PPP2R2C: variants seen among roughly 807,000 people sequenced by gnomAD.
The protein encoded by PPP2R2C is protein phosphatase 2 regulatory subunit Bgamma, also known as protein phosphatase 2, regulatory subunit B, gamma.
A neutral mutation model predicts 45.3 loss-of-function variants in PPP2R2C; 10 were observed. The ratio of observed to expected loss-of-function variants is 0.22; its 90% confidence interval spans 0.14 to 0.37. The LOEUF (loss-of-function observed/expected upper bound fraction) is 0.37. Among genes scored for constraint, PPP2R2C ranks in the 10% least tolerant of loss-of-function variants. The pLI, the probability that PPP2R2C is intolerant of heterozygous loss-of-function variation, is 1.00. For synonymous variants in PPP2R2C, 257 were observed against 245.4 expected, an observed-to-expected ratio of 1.05 and a Z score of -0.44; for missense variants, 308 against 619.7, an observed-to-expected ratio of 0.50 and a Z score of 5.34.
In PPP2R2C at chr4:6,389,961, T is replaced by C. The variant is rs1031157308; in HGVS notation, c.71-8867A>G. 9.9e-5 allele frequency among the ~76,000 whole-genome samples: 15 copies of C among 151,702 alleles called. 1 individual carries two copies. Among genetic ancestry groups the C allele is most frequent in the South Asian group, 8.3e-4 (4 of 4,794 alleles). On this transcript the variant is annotated intron_variant, in intron 1 of 8. Transcript: ENST00000382599. Reference sequence around the variant, plus strand: ...GGGTCAGAGATGGGAGGCTGAGGAGTTGGTGAAGGAGAAAGCAGGTGCTGA... The same window carrying C: ...GGGTCAGAGATGGGAGGCTGAGGAGCTGGTGAAGGAGAAAGCAGGTGCTGA...
chr4:6,554,942 A>AGG (rs1725325221), intron 1 of PPP2R2C, among the ~76,000 whole-genome samples: 1 of 104,900 alleles, frequency 9.5e-6, no homozygotes, highest in Non-Finnish European at 1.9e-5. Context: ...AAAGAAAGAA[A>AGG]GAAAGAAAGA....
intron 1 of PPP2R2C, among the ~76,000 whole-genome samples, chr4:6,544,202 A>G (rs1055748645): frequency 2.0e-5 from 3 of 152,212 alleles, no homozygotes; most frequent in African/African-American, 7.2e-5. Context: ...CAGCCAAGCC[A>G]TGAGCTCTGG....
At chr4:6,442,550 T>TG (rs1720208201) in intron 1 of PPP2R2C, among the ~76,000 whole-genome samples, 1 of 152,160 alleles carries the variant, frequency 6.6e-6, no homozygotes, top group Non-Finnish European at 1.5e-5. Context: ...CCCCAAGGGC[T>TG]GGGAGAGGCG....
chr4:6,476,447 T>C (rs1722147129), upstream of PPP2R2C, among the ~76,000 whole-genome samples: 1 of 152,000 alleles, frequency 6.6e-6, no homozygotes, highest in Non-Finnish European at 1.5e-5. Flanking sequence ...CGTGAGAGAG[T>C]TTGCTTCCCC....
At chr4:6,385,318 A>C (rs1290535989) in intron 1 of PPP2R2C, among the ~76,000 whole-genome samples, 1 of 152,122 alleles carries the variant, frequency 6.6e-6, no homozygotes. Flanking sequence ...ATGTCTACTC[A>C]TTTTTATAGG....
intron 1 of PPP2R2C, among the ~76,000 whole-genome samples, chr4:6,397,038 G>C (rs1717088053): frequency 6.6e-6 from 1 of 152,222 alleles, no homozygotes; most frequent in African/African-American, 2.4e-5. Flanking sequence ...ATGCGAGCCA[G>C]CTCTGGCTCA....
chr4:6,464,037 C>A (rs893728894), intron 1 of PPP2R2C, among the ~76,000 whole-genome samples: 1 of 152,134 alleles, frequency 6.6e-6, no homozygotes, highest in African/African-American at 2.4e-5. Flanking sequence ...AGGCTGCATT[C>A]AAAACTCAGC....
chr4:6,360,410 G>A lies in PPP2R2C; in HGVS notation c.625+12113C>T, dbSNP rs1713623136. 2.6e-5 allele frequency among the ~76,000 whole-genome samples: 4 copies of A among 152,214 alleles called. No individual in the cohort carries two copies. The South Asian group carries it at 8.3e-4, about 32-fold the overall frequency. On this transcript the variant is annotated intron_variant, in intron 5 of 8. Transcript: ENST00000382599. ...CTGGGTGCAGAGCAGGGATCCATGAGAAAGAGGGCTGCAGCCTTGGGCTCC... is the reference window on the plus strand; with the variant it reads ...CTGGGTGCAGAGCAGGGATCCATGAAAAAGAGGGCTGCAGCCTTGGGCTCC...
At chr4:6,485,311 T>C (rs552371883) in intron 2 of PPP2R2C, among the ~76,000 whole-genome samples, 10 of 151,936 alleles carry the variant, frequency 6.6e-5, no homozygotes, top group Non-Finnish European at 1.3e-4. Context: ...TTGCTAATAA[T>C]TTTTTAATTC....
intron 5 of PPP2R2C, chr4:6,349,553 G>A: frequency 2.0e-6 from 2 of 985,340 alleles, no homozygotes; most frequent in South Asian, 9.4e-5. Flanking sequence ...CACCCAAGCT[G>A]CTGCCTCTCT....
rs1426654793 is a variant in PPP2R2C, at chr4:6,333,685, T to A, written c.837A>T (p.Glu279Asp). ...EDPSNRSFFS[E>D]IISSVSDVKF... The stretch of plus-strand genomic sequence containing the variant: ...TCACGTCGGACACGGAGGAGATGAT[T>A]TCCGAGAAGAATGAGCGGTTACTGG... Residue 279 changes from glutamate to aspartate, a missense_variant, in exon 7 of 9, where the codon GAA becomes GAT. Transcript: ENST00000382599. The A allele has an allele frequency of 6.2e-7, 1 of 1,614,128 alleles. No individual in the cohort carries two copies. Among genetic ancestry groups the A allele is most frequent in the Non-Finnish European group, 8.5e-7 (1 of 1,180,012 alleles).
chr4:6,454,395 A>G (rs1313159532), intron 1 of PPP2R2C, among the ~76,000 whole-genome samples: 2 of 152,188 alleles, frequency 1.3e-5, no homozygotes, highest in Non-Finnish European at 2.9e-5. Flanking sequence ...GGAAGGGCCA[A>G]GCAGCTTCCA....
intron 1 of PPP2R2C, among the ~76,000 whole-genome samples, chr4:6,401,311 T>C (rs1422046786): frequency 6.6e-6 from 1 of 152,072 alleles, no homozygotes; most frequent in African/African-American, 2.4e-5. Context: ...CTCTGGCCAA[T>C]ACCTAATGAA....
intron 2 of PPP2R2C, among the ~76,000 whole-genome samples, chr4:6,534,617 A>G (rs1724534569): frequency 6.6e-6 from 1 of 151,936 alleles, no homozygotes; most frequent in African/African-American, 2.4e-5. Context: ...ACATCAACAC[A>G]TACATGAACA....
chr4:6,469,077 CAAAAAAAAAAAAA>C (rs142008829), intron 1 of PPP2R2C, among the ~76,000 whole-genome samples: 13 of 56,192 alleles, frequency 2.3e-4, no homozygotes, highest in Admixed American at 8.2e-4. Flanking sequence ...GCCCTGCCAC[CAAAAAAAAAAAAA>C]AAAAAAAAAA....
At chr4:6,499,630 T>G (rs1370234983) in intron 2 of PPP2R2C, among the ~76,000 whole-genome samples, 1 of 152,154 alleles carries the variant, frequency 6.6e-6, no homozygotes, top group Admixed American at 6.5e-5. Flanking sequence ...TAGGGTTTTA[T>G]AAAGCAGGAG....
intron 1 of PPP2R2C, among the ~76,000 whole-genome samples, chr4:6,431,819 G>A (rs192706165): frequency 6.6e-6 from 1 of 152,264 alleles, no homozygotes; most frequent in East Asian, 1.9e-4. Context: ...TTAGTCATTT[G>A]GGGCTGCTCC....
At chr4:6,449,317 C>T (rs1469970133) in intron 1 of PPP2R2C, among the ~76,000 whole-genome samples, 1 of 152,226 alleles carries the variant, frequency 6.6e-6, no homozygotes, top group Non-Finnish European at 1.5e-5. Context: ...GATGAGACCC[C>T]TGCGGCAGCT....
chr4:6,425,684 G>T (rs1560539129), intron 1 of PPP2R2C, among the ~76,000 whole-genome samples: 1 of 152,162 alleles, frequency 6.6e-6, no homozygotes, highest in Non-Finnish European at 1.5e-5. Context: ...AAAAATGCAG[G>T]TCCCTGCCAT....
Sources: gnomAD v4.1 joint callset for allele counts (sites outside exome capture counted in the v4.1 genomes callset) on GRCh38, gnomAD v4.1.1 for gene constraint, MANE v1.5 for transcripts, NCBI Gene and HGNC (gene_info 2026-07-23, HGNC 2026-07-21) for gene names.